TLK1: variants seen among roughly 807,000 people sequenced by gnomAD.
TLK1 encodes tousled like kinase 1.
In TLK1, 24 loss-of-function variants were observed where a neutral mutation model predicts 105.3. The observed-to-expected ratio is 0.23, with a 90% confidence interval of 0.17 to 0.32. The LOEUF (loss-of-function observed/expected upper bound fraction) is 0.32. TLK1 is among the 10% of genes least tolerant of loss of function. The probability of loss-of-function intolerance (pLI) is 1.00; values close to 1 mark genes in which losing one functional copy is unlikely to be tolerated. For missense variants in TLK1, 558 were observed against 910.5 expected, an observed-to-expected ratio of 0.61 and a Z score of 4.98; for synonymous variants, 321 against 310.4, an observed-to-expected ratio of 1.03 and a Z score of -0.36.
At chr2:171,090,067 T>C (rs1415088710) in intron 2 of TLK1, among the ~76,000 whole-genome samples, 3 of 152,236 alleles carry the variant, frequency 2.0e-5, no homozygotes, top group Non-Finnish European at 2.9e-5. Flanking sequence ...CTTTATAACA[T>C]TGAGTCTTCC....
chr2:171,050,573 C>T (rs959860726), intron 8 of TLK1, among the ~76,000 whole-genome samples: 6 of 145,546 alleles, frequency 4.1e-5, no homozygotes, highest in African/African-American at 1.5e-4. Context: ...TTTCCTCTAT[C>T]TCTTATAATT....
chr2:171,134,676 T>G (rs968650706), intron 1 of TLK1, among the ~76,000 whole-genome samples: 2 of 139,692 alleles, frequency 1.4e-5, no homozygotes, highest in African/African-American at 5.3e-5. Flanking sequence ...AACAGATGAA[T>G]AGGAAAAAAA....
intron 4 of TLK1, among the ~76,000 whole-genome samples, chr2:171,060,370 G>A (rs1472329151): frequency 6.6e-6 from 1 of 152,106 alleles, no homozygotes; most frequent in Non-Finnish European, 1.5e-5. Flanking sequence ...GCACTAAAAT[G>A]ACTTACCCTT....
At chr2:171,190,677 T>C (rs544104794) in intron 1 of TLK1, among the ~76,000 whole-genome samples, 2 of 152,296 alleles carry the variant, frequency 1.3e-5, no homozygotes, top group Admixed American at 6.5e-5. Flanking sequence ...TCTTTCAAAA[T>C]GTGAAATCTT....
At chr2:171,089,143 ACAC>A (rs1689112706) in intron 2 of TLK1, among the ~76,000 whole-genome samples, 1 of 152,204 alleles carries the variant, frequency 6.6e-6, no homozygotes, top group South Asian at 2.1e-4. Context: ...CAGGAGTGAG[ACAC>A]CACATTTGGC....
chr2:171,110,024 G>A (rs1225892726), intron 2 of TLK1, among the ~76,000 whole-genome samples: 1 of 152,188 alleles, frequency 6.6e-6, no homozygotes, highest in Non-Finnish European at 1.5e-5. Flanking sequence ...AAAACTCTCT[G>A]GAGGGATGGA....
intron 1 of TLK1, among the ~76,000 whole-genome samples, chr2:171,143,729 G>A (rs541955827): frequency 6.6e-6 from 1 of 152,070 alleles, no homozygotes; most frequent in South Asian, 2.1e-4. Context: ...AAATTAAAAT[G>A]TTACACTGGG....
At chr2:171,134,725 C>CTTT (rs572825171) in intron 1 of TLK1, among the ~76,000 whole-genome samples, 27 of 103,774 alleles carry the variant, frequency 2.6e-4, no homozygotes, top group East Asian at 1.1e-3. Context: ...ACTATTTGGC[C>CTTT]TTTTTTTTTT....
intron 12 of TLK1, among the ~76,000 whole-genome samples, chr2:171,027,062 T>C (rs1685808729): frequency 6.6e-6 from 1 of 152,124 alleles, no homozygotes; most frequent in South Asian, 2.1e-4. Flanking sequence ...ATGCAAATTA[T>C]ATATAATAAT....
intron 3 of TLK1, among the ~76,000 whole-genome samples, chr2:171,074,709 T>G: frequency 6.7e-6 from 1 of 149,640 alleles, no homozygotes; most frequent in Admixed American, 6.6e-5. Context: ...AAGAACAAAG[T>G]GAGAACATAC....
At chr2:171,171,447 T>C (rs187326815) in intron 1 of TLK1, among the ~76,000 whole-genome samples, 86 of 150,380 alleles carry the variant, frequency 5.7e-4, no homozygotes, top group Middle Eastern at 6.9e-3. Flanking sequence ...GGCAGGAAGA[T>C]TGAAAGTTCA....
chr2:171,197,190 T>C (rs565111937), intron 1 of TLK1, among the ~76,000 whole-genome samples: 10 of 152,158 alleles, frequency 6.6e-5, no homozygotes, highest in South Asian at 2.1e-4. Flanking sequence ...AAGGAAAATA[T>C]ATGATAAACT....
chr2:171,172,255 T>C (rs546229746), intron 1 of TLK1, among the ~76,000 whole-genome samples: 78 of 152,270 alleles, frequency 5.1e-4, no homozygotes, highest in South Asian at 1.9e-3. Context: ...TGGTTACCCT[T>C]GAGAGGATAG....
intron 1 of TLK1, among the ~76,000 whole-genome samples, chr2:171,221,266 A>T (rs1029766661): frequency 3.9e-5 from 6 of 152,160 alleles, no homozygotes; most frequent in African/African-American, 1.2e-4. Context: ...CCCACTTTTC[A>T]TCTGGGGAAC....
intron 12 of TLK1, among the ~76,000 whole-genome samples, chr2:171,023,732 C>T (rs1466344671): frequency 6.6e-6 from 1 of 152,248 alleles, no homozygotes; most frequent in Non-Finnish European, 1.5e-5. Flanking sequence ...AAAATATAGA[C>T]ATTTCAAGGA....
chr2:171,003,671 T>C (rs935916104), intron 18 of TLK1, among the ~76,000 whole-genome samples: 12 of 152,234 alleles, frequency 7.9e-5, no homozygotes, highest in Admixed American at 6.5e-4. Flanking sequence ...CTCAAAACAG[T>C]TGAGCTCCTT....
intron 1 of TLK1, among the ~76,000 whole-genome samples, chr2:171,175,271 A>G (rs1692799817): frequency 1.3e-5 from 2 of 152,120 alleles, no homozygotes; most frequent in Non-Finnish European, 2.9e-5. Flanking sequence ...TGGTATCTAT[A>G]TCCATGGATT....
chr2:171,183,377 A>G (rs543969486), intron 1 of TLK1, among the ~76,000 whole-genome samples: 1 of 152,264 alleles, frequency 6.6e-6, no homozygotes, highest in African/African-American at 2.4e-5. Flanking sequence ...GATTTACCAC[A>G]TATGTAGAAA....
chr2:171,008,593 A>T (rs1684753849), intron 14 of TLK1, among the ~76,000 whole-genome samples: 1 of 152,204 alleles, frequency 6.6e-6, no homozygotes, highest in African/African-American at 2.4e-5. Flanking sequence ...CCATAAGGTT[A>T]ATATGGCAAT....
Sources: allele counts gnomAD v4.1 joint callset (sites outside exome capture counted in the v4.1 genomes callset), GRCh38; gene constraint gnomAD v4.1.1; transcripts MANE v1.5; gene names NCBI Gene and HGNC (gene_info 2026-07-23, HGNC 2026-07-21).